SIRT2: variants seen among roughly 807,000 people sequenced by gnomAD.
SIRT2 encodes the protein sirtuin 2.
A neutral mutation model predicts 57.4 loss-of-function variants in SIRT2; 40 were observed. The observed-to-expected ratio is 0.70, with a 90% CI of 0.54 to 0.91. The LOEUF (loss-of-function observed/expected upper bound fraction) is 0.91. Ranked by LOEUF, SIRT2 falls within the 40% of genes least tolerant of loss-of-function variation. The probability of loss-of-function intolerance (pLI) is 0.00; values close to 1 mark genes in which losing one functional copy is unlikely to be tolerated. For synonymous variants in SIRT2, 161 were observed against 195.7 expected (o/e 0.82, Z 1.48); for missense variants, 439 against 510.4 (o/e 0.86, Z 1.35).
In SIRT2 at chr19:38,880,879, G is replaced by C. The variant is rs1973127966; in HGVS notation, c.766C>G (p.Leu256Val). Residue 256 changes from leucine to valine, a missense_variant, in exon 12 of 16, where the codon CTC becomes GTC. Leu to Val is a conservative substitution (Grantham distance 32). Transcript: ENST00000249396. This position sits in a 1 kb window ranked among gnomAD's most constrained non-coding sequence, Gnocchi z 4.1. ...AAGGAGGTACCCATGACCAGGAGGA[G>C]GTCCACCTTCAGGAAGTCCTGCGGG... ...CMQSDFLKVD[L>V]LLVMGTSLQV... 6.2e-7 allele frequency: 1 copy of C among 1,613,692 alleles called. No homozygotes were observed. Among genetic ancestry groups the C allele is most frequent in the African/African-American group, 1.3e-5 (1 of 75,036 alleles).
At chr19:38,887,574 G>C (rs529370492) in intron 8 of SIRT2, among the ~76,000 whole-genome samples, 67 of 152,188 alleles carry the variant, frequency 4.4e-4, no homozygotes, top group African/African-American at 1.5e-3. Flanking sequence ...GGAGGCCTCC[G>C]CTGCCCTCTG....
rs1391765148 is a variant in SIRT2 at position 38,879,635 on chromosome 19, T to C, written c.944A>G (p.Tyr315Cys). ...CCAACCCCCGGCGGGGCCTCACCTGTAGGCCTTCTTGGAGTCAAAGTCCAT... is the reference window on the plus strand; with the variant it reads ...CCAACCCCCGGCGGGGCCTCACCTGCAGGCCTTCTTGGAGTCAAAGTCCAT... ...GGMDFDSKKA[Y>C]RDVAWLGECD... The change falls in exon 14 of 16, where the codon TAC (tyrosine) becomes TGC (cysteine). Residue 315 changes from tyrosine to cysteine, a missense_variant. Coordinates refer to ENST00000249396, the MANE Select transcript of SIRT2 (RefSeq NM_012237.4). 2 of 1,570,976 alleles carry C rather than the reference T, an allele frequency of 1.3e-6. No homozygotes were observed. Among genetic ancestry groups the C allele is most frequent in the East Asian group, 2.4e-5 (1 of 42,334 alleles).
rs1181779959 is a variant in SIRT2, at chr19:38,889,921, G to C, written c.309C>G (p.Leu103=). 6.2e-7 allele frequency: 1 copy of C among 1,614,066 alleles called. No homozygotes were observed. Among genetic ancestry groups the C allele is most frequent in the Non-Finnish European group, 8.5e-7 (1 of 1,180,042 alleles). ...GATGGTACTTCTCTAGGTTGTCATA[G>C]AGGCCGGTGGATGGAGAGCGAAAGT... ...IPDFRSPSTG[L]YDNLEKYHLP... The change falls in exon 6 of 16, where the codon CTC becomes CTG. Residue 103 remains leucine, a synonymous_variant. Coordinates refer to ENST00000249396, the MANE Select transcript of SIRT2 (RefSeq NM_012237.4).
chr19:38,893,687 G>A (rs2144698182), intron 3 of SIRT2, 132 bp downstream of exon 3: 4 of 1,292,652 alleles, frequency 3.1e-6, no homozygotes, highest in Non-Finnish European at 4.4e-6. Context: ...CTCTGGCACT[G>A]GTACCCAACC....
rs143215428 is a variant in SIRT2 at position 38,883,673 on chromosome 19, G to A, written c.585C>T (p.Cys195=). The A allele has an allele frequency of 1.1e-4, 170 of 1,613,982 alleles. No homozygotes were observed. The highest frequency in any genetic ancestry group is 6.7e-5 in the East Asian group (3 of 44,882). Residue 195 remains cysteine (C), a synonymous_variant, in exon 9 of 16, where the codon TGC becomes TGT. Coordinates refer to ENST00000249396, the MANE Select transcript of SIRT2 (RefSeq NM_012237.4). ...ATTCGTGCCGGCAGCTGGCGCTGAC[G>A]CAGTGTGATGTGTAGAAGGTGCCGT... ...EAHGTFYTSH[C]VSASCRHEYP...
chr19:38,884,329 GC>G (rs1973258040), intron 8 of SIRT2, among the ~76,000 whole-genome samples: 1 of 152,182 alleles, frequency 6.6e-6, no homozygotes, highest in Non-Finnish European at 1.5e-5. Flanking sequence ...TATTAATGGA[GC>G]CCCCTCAGAT....
rs1433744782 is a variant in SIRT2 at position 38,879,625 on chromosome 19, G to A, written c.947+7C>T. On this transcript the variant is annotated splice_region_variant and intron_variant, in intron 14 of 15. Coordinates refer to ENST00000249396, the MANE Select transcript of SIRT2 (RefSeq NM_012237.4). ...CCAGGCTGCCCCAACCCCCGGCGGG[G>A]CCTCACCTGTAGGCCTTCTTGGAGT... 6.4e-7 allele frequency: 1 copy of A among 1,567,354 alleles called. No homozygotes were observed. Among genetic ancestry groups the A allele is most frequent in the East Asian group, 2.4e-5 (1 of 42,028 alleles).
At chr19:38,884,682 C>T (rs893708999) in intron 8 of SIRT2, among the ~76,000 whole-genome samples, 5 of 152,046 alleles carry the variant, frequency 3.3e-5, no homozygotes, top group Non-Finnish European at 5.9e-5. Flanking sequence ...CTCTGGACCT[C>T]GTGATTTGCT....
Position 38,883,684 on chromosome 19 carries a change from T to C in SIRT2, c.574A>G (p.Thr192Ala). The change falls in exon 9 of 16, where the codon ACA becomes GCA. Residue 192 changes from threonine to alanine, a missense_variant. Physicochemically the swap from Thr to Ala is moderately conservative, Grantham distance 58. Coordinates refer to ENST00000249396, the MANE Select transcript of SIRT2 (RefSeq NM_012237.4). ...CAGCTGGCGCTGACGCAGTGTGATGTGTAGAAGGTGCCGTGCGCCTCCACC... is the reference window on the plus strand; with the variant it reads ...CAGCTGGCGCTGACGCAGTGTGATGCGTAGAAGGTGCCGTGCGCCTCCACC... Reference protein sequence around the residue: ...DLVEAHGTFYTSHCVSASCRH... With the variant: ...DLVEAHGTFYASHCVSASCRH... 1 of 1,614,088 alleles carries C rather than the reference T, an allele frequency of 6.2e-7. No homozygotes were observed.
Position 38,880,494 on chromosome 19 carries a change from T to C in SIRT2, c.876+191A>G, listed in dbSNP as rs898563838. ...GGCTTCAGCTGGTTTGAGTTGGAAT[T>C]CTATCACTTGCTCAAAAGGGCAGTG... On this transcript the variant is annotated intron_variant, in intron 13 of 15. Transcript: ENST00000249396. The surrounding 1 kb of genome is among the most constrained non-coding windows in gnomAD (Gnocchi z 4.1). 7.6e-6 allele frequency: 4 copies of C among 526,050 alleles called. No individual in the cohort carries two copies. The highest frequency in any genetic ancestry group is 1.3e-5 in the Non-Finnish European group (4 of 298,622). 32.6% of individuals were successfully genotyped at this position (526,050 alleles called of 1,614,324 possible).
At chr19:38,897,157 G>T (rs901713616) in intron 2 of SIRT2, among the ~76,000 whole-genome samples, 2 of 152,166 alleles carry the variant, frequency 1.3e-5, no homozygotes, top group Non-Finnish European at 2.9e-5. Flanking sequence ...TCACAGGGAT[G>T]CCAGGAAGAT....
chr19:38,889,917 C>A lies in SIRT2; in HGVS notation c.313G>T (p.Asp105Tyr). ...GGAAGATGGTACTTCTCTAGGTTGT[C>A]ATAGAGGCCGGTGGATGGAGAGCGA... is the stretch of plus-strand genomic sequence containing the variant. ...DFRSPSTGLYDNLEKYHLPYP... is the reference protein window; with the variant it reads ...DFRSPSTGLYYNLEKYHLPYP... Residue 105 changes from aspartate to tyrosine, a missense_variant, in exon 6 of 16, where the codon GAC becomes TAC. Physicochemically the swap from Asp to Tyr is radical, Grantham distance 160. Coordinates refer to ENST00000249396, the MANE Select transcript of SIRT2 (RefSeq NM_012237.4). 6.2e-7 allele frequency: 1 copy of A among 1,614,114 alleles called. No individual in the cohort carries two copies. The highest frequency in any genetic ancestry group is 1.1e-5 in the South Asian group (1 of 91,054).
chr19:38,884,657 T>C (rs935311638), intron 8 of SIRT2, among the ~76,000 whole-genome samples: 10 of 152,040 alleles, frequency 6.6e-5, no homozygotes, highest in Admixed American at 5.2e-4. Flanking sequence ...CCATGTTGGC[T>C]AGGCTGGTCT....
In SIRT2 at chr19:38,894,266, TTTTG is replaced by T. The variant is rs1004548591; in HGVS notation, c.64-403_64-400del. 4.1e-4 allele frequency: 97 copies of T among 233,938 alleles called. 1 individual carries two copies. Among genetic ancestry groups the T allele is most frequent in the South Asian group, 1.2e-3 (20 of 17,036 alleles). The allele number at this position is 233,938 out of a possible 1,614,324, so 14.5% of individuals were successfully genotyped here. ...CACGTGCCACCATGCCAGGCTCATT[TTTTG>T]TTTGTTTGTTTGTTTGCTTTGTAGA... On this transcript the variant is annotated intron_variant, in intron 2 of 15. Transcript: ENST00000249396.
chr19:38,897,260 A>G (rs543394290), intron 2 of SIRT2, among the ~76,000 whole-genome samples: 1 of 152,226 alleles, frequency 6.6e-6, no homozygotes, highest in African/African-American at 2.4e-5. Flanking sequence ...CAAGCTGACC[A>G]CCACCAGCCA....
intron 4 of SIRT2, among the ~76,000 whole-genome samples, chr19:38,890,388 C>A (rs985726360): frequency 6.6e-6 from 1 of 152,120 alleles, no homozygotes; most frequent in Non-Finnish European, 1.5e-5. Context: ...AGCCAGCCAG[C>A]GGATAAAGAA....
rs769428350 is a variant in SIRT2, at chr19:38,879,652, A to C, written c.927T>G (p.Phe309Leu). 1.3e-5 allele frequency: 21 copies of C among 1,574,918 alleles called. No homozygotes were observed. Among genetic ancestry groups the C allele is most frequent in the Non-Finnish European group, 1.7e-5 (20 of 1,159,902 alleles). ...MIMGLGGGMD[F>L]DSKKAYRDVA... The stretch of plus-strand genomic sequence containing the variant: ...CTCACCTGTAGGCCTTCTTGGAGTC[A>C]AAGTCCATGCCTCCTCCGAGGCCCA... Residue 309 changes from phenylalanine (F) to leucine (L), a missense_variant, in exon 14 of 16, where the codon TTT (phenylalanine) becomes TTG (leucine). Phe to Leu is a conservative substitution (Grantham distance 22). Transcript: ENST00000249396.
chr19:38,887,164 A>T (rs1973369522), intron 8 of SIRT2, among the ~76,000 whole-genome samples: 1 of 152,062 alleles, frequency 6.6e-6, no homozygotes, highest in African/African-American at 2.4e-5. Flanking sequence ...GAACACATAC[A>T]CCGTTTCTGA....
At position 38,881,446 on chromosome 19, in the gene SIRT2, C is replaced by T; in HGVS notation, c.677G>A (p.Ser226Asn). ...CAGAGGCTCACCAGGCTTCACCAGG[C>T]TCTGACAGTCTTCACACTTGGGCGT... ...EVTPKCEDCQ[S>N]LVKPDIVFFG... The change falls in exon 10 of 16, where the codon AGC (serine) becomes AAC (asparagine). Residue 226 changes from serine to asparagine, a missense_variant. By Grantham distance (46) the Ser-to-Asn change is conservative. Coordinates refer to ENST00000249396, the MANE Select transcript of SIRT2 (RefSeq NM_012237.4). 1.2e-6 allele frequency: 2 copies of T among 1,614,050 alleles called. No homozygotes were observed. The highest frequency in any genetic ancestry group is 1.7e-6 in the Non-Finnish European group (2 of 1,179,996).
Sources: allele counts gnomAD v4.1 joint callset (sites outside exome capture counted in the v4.1 genomes callset), GRCh38; gene constraint gnomAD v4.1.1; non-coding constraint Gnocchi (gnomAD v3.1); transcripts MANE v1.5; gene names NCBI Gene and HGNC (gene_info 2026-07-23, HGNC 2026-07-21).